SLCO1A2: variants seen among roughly 807,000 people sequenced by gnomAD.
SLCO1A2 encodes the protein OATP-1.
In SLCO1A2, 67 loss-of-function variants were observed where a neutral mutation model predicts 69.0. The ratio of observed to expected loss-of-function variants is 0.97; its 90% CI spans 0.80 to 1.19. The LOEUF is 1.19. SLCO1A2 is among the 50% of genes most tolerant of loss of function. The probability of loss-of-function intolerance (pLI) is 0.00; values close to 1 mark genes in which losing one functional copy is unlikely to be tolerated. For synonymous variants in SLCO1A2, 260 were observed against 265.9 expected, an observed-to-expected ratio of 0.98 and a Z score of 0.22; for missense variants, 787 against 793.7, an observed-to-expected ratio of 0.99 and a Z score of 0.10.
chr12:21,350,380 T>G (rs544932822), intron 2 of SLCO1A2, among the ~76,000 whole-genome samples: 1 of 152,094 alleles, frequency 6.6e-6, no homozygotes, highest in East Asian at 1.9e-4. Flanking sequence ...AATTATTTTA[T>G]ACAAATACAA....
chr12:21,295,654 G>C lies in SLCO1A2; in HGVS notation c.1214C>G (p.Ser405Cys), dbSNP rs115302514. 1.1e-4 allele frequency: 171 copies of C among 1,605,920 alleles called. No individual in the cohort carries two copies. In the African/African-American group the frequency reaches 2.0e-3, roughly 19 times the overall value. The stretch of plus-strand genomic sequence containing the variant: ...AGAATTTTCACAAGTCATGAGAAAA[G>C]ATAAAAAATAGAGAAGATACTCAAG... Reference protein sequence around the residue: ...SLLEYLLYFLSFLMTCENSSV... With the variant: ...SLLEYLLYFLCFLMTCENSSV... Residue 405 changes from serine (S) to cysteine (C), a missense_variant, in exon 10 of 15, where the codon TCT becomes TGT. Transcript: ENST00000683939.
intron 2 of SLCO1A2, among the ~76,000 whole-genome samples, chr12:21,343,996 T>C (rs898451442): frequency 2.0e-5 from 3 of 152,134 alleles, no homozygotes; most frequent in Admixed American, 6.6e-5. Context: ...TCCAACATAT[T>C]CCTTTTGCCT....
intron 14 of SLCO1A2, among the ~76,000 whole-genome samples, chr12:21,272,219 G>GAAAT (rs1245035961): frequency 6.6e-6 from 1 of 151,584 alleles, no homozygotes; most frequent in Admixed American, 6.6e-5. Flanking sequence ...TATTCATGTA[G>GAAAT]AAATAGATAT....
At chr12:21,409,372 G>GC in intron 1 of SLCO1A2, among the ~76,000 whole-genome samples, 1 of 152,262 alleles carries the variant, frequency 6.6e-6, no homozygotes, top group East Asian at 1.9e-4. Context: ...AATCTGGCCT[G>GC]CCACCTGATT....
intron 1 of SLCO1A2, among the ~76,000 whole-genome samples, chr12:21,416,270 G>A (rs1349771156): frequency 6.6e-6 from 1 of 151,926 alleles, no homozygotes; most frequent in African/African-American, 2.4e-5. Context: ...GCAATGCTGG[G>A]AAGGAAGACC....
At chr12:21,271,112 A>C (rs1226450160) in intron 14 of SLCO1A2, among the ~76,000 whole-genome samples, 1 of 151,856 alleles carries the variant, frequency 6.6e-6, no homozygotes, top group Non-Finnish European at 1.5e-5. Flanking sequence ...CTACTTGTAA[A>C]TGCTCTATTT....
At chr12:21,284,654 ATCTC>A (rs2136216788) in intron 12 of SLCO1A2, among the ~76,000 whole-genome samples, 1 of 143,454 alleles carries the variant, frequency 7.0e-6, no homozygotes, top group Non-Finnish European at 1.5e-5. Context: ...ATAACAAACT[ATCTC>A]TCAGACCACA....
intron 4 of SLCO1A2, among the ~76,000 whole-genome samples, chr12:21,312,060 G>A (rs1029062032): frequency 7.6e-6 from 1 of 131,920 alleles, no homozygotes; most frequent in African/African-American, 4.1e-5. Flanking sequence ...AGGAGGAGAA[G>A]AAGAAGAGGA....
intron 6 of SLCO1A2, among the ~76,000 whole-genome samples, chr12:21,301,685 T>C (rs1948731649): frequency 6.6e-6 from 1 of 152,166 alleles, no homozygotes; most frequent in Non-Finnish European, 1.5e-5. Flanking sequence ...CTCAAAAAAG[T>C]TTCACTCTCA....
In SLCO1A2 at chr12:21,301,245, A is replaced by G; in HGVS notation, c.614T>C (p.Ile205Thr). 6.2e-7 allele frequency: 1 copy of G among 1,612,144 alleles called. No homozygotes were observed. The highest frequency in any genetic ancestry group is 8.5e-7 in the Non-Finnish European group (1 of 1,179,086). ...CAACAAAAGTCCAATCAAAGGACCA[A>G]TAATAGCTCCTGTTTCTACAAGCCC... ...YIGLVETGAI[I>T]GPLIGLLLAS... The change falls in exon 7 of 15, where the codon ATT becomes ACT. Residue 205 changes from isoleucine (I) to threonine (T), a missense_variant. Ile to Thr is a moderately conservative substitution (Grantham distance 89, BLOSUM62 -1). Coordinates refer to ENST00000683939, the MANE Select transcript of SLCO1A2 (RefSeq NM_001386879.1).
chr12:21,417,419 T>C (rs565938067), intron 1 of SLCO1A2, among the ~76,000 whole-genome samples: 135 of 149,070 alleles, frequency 9.1e-4, no homozygotes, highest in African/African-American at 3.3e-3. Flanking sequence ...TCATAGTAGA[T>C]TTTTTAAATT....
At chr12:21,413,240 T>TTTTTTTC (rs1555133934) in intron 1 of SLCO1A2, among the ~76,000 whole-genome samples, 27 of 124,160 alleles carry the variant, frequency 2.2e-4, no homozygotes, top group African/African-American at 4.9e-4. Flanking sequence ...TCTTTTTCTT[T>TTTTTTTC]TTTTTTTTTT....
chr12:21,323,457 T>G (rs1951892251), intron 2 of SLCO1A2, among the ~76,000 whole-genome samples: 1 of 151,990 alleles, frequency 6.6e-6, no homozygotes, highest in Admixed American at 6.6e-5. Flanking sequence ...GCCAGCTACC[T>G]GGGAGGCTGA....
At chr12:21,357,893 T>C (rs766728098) in intron 2 of SLCO1A2, among the ~76,000 whole-genome samples, 11 of 152,154 alleles carry the variant, frequency 7.2e-5, no homozygotes, top group Non-Finnish European at 1.3e-4. Context: ...TTTTAAAATA[T>C]AAACATGCAA....
At chr12:21,297,590 T>C in intron 8 of SLCO1A2, 22 bp from the exon 9 acceptor site, 1 of 1,509,742 alleles carries the variant, frequency 6.6e-7, no homozygotes, top group Non-Finnish European at 9.0e-7. Context: ...GAATGACAAC[T>C]GTGTCAAACG....
intron 1 of SLCO1A2, among the ~76,000 whole-genome samples, chr12:21,411,306 G>A (rs1941903018): frequency 6.6e-6 from 1 of 152,058 alleles, no homozygotes. Context: ...TTTTGTATAT[G>A]ATATGAAATA....
At chr12:21,408,710 A>ACG (rs1430236005) in intron 1 of SLCO1A2, among the ~76,000 whole-genome samples, 1 of 106,482 alleles carries the variant, frequency 9.4e-6, no homozygotes, top group African/African-American at 3.4e-5. Flanking sequence ...GCCTCAGCGC[A>ACG]TGCGTGTGTG....
At chr12:21,318,651 G>C in intron 3 of SLCO1A2, 131 bp downstream of exon 3, 1 of 652,268 alleles carries the variant, frequency 1.5e-6, no homozygotes, top group Non-Finnish European at 2.5e-6. Context: ...TAGCTAATCA[G>C]TTAGTTTTAG....
At chr12:21,403,046 C>T (rs546770311) in intron 1 of SLCO1A2, among the ~76,000 whole-genome samples, 29 of 152,082 alleles carry the variant, frequency 1.9e-4, no homozygotes, top group African/African-American at 5.5e-4. Context: ...AGAATTTGAA[C>T]GATGGTTGTG....
Sources: gnomAD v4.1 joint callset for allele counts (sites outside exome capture counted in the v4.1 genomes callset) on GRCh38, gnomAD v4.1.1 for gene constraint, MANE v1.5 for transcripts, NCBI Gene and HGNC (gene_info 2026-07-23, HGNC 2026-07-21) for gene names.